Variants in FREM2 observed in about 807,000 individuals in gnomAD.
The protein encoded by FREM2 is FRAS1 related extracellular matrix 2.
A neutral mutation model predicts 219.9 loss-of-function variants in FREM2; 119 were observed. The ratio of observed to expected loss-of-function variants is 0.54; its 90% CI spans 0.47 to 0.63. The LOEUF is 0.63. Ranked by LOEUF, FREM2 falls within the 30% of genes least tolerant of loss-of-function variation. The probability of loss-of-function intolerance (pLI) is 0.00; values close to 1 mark genes in which losing one functional copy is unlikely to be tolerated. For synonymous variants in FREM2, 1,562 were observed against 1,522.8 expected (o/e 1.03, Z -0.60); for missense variants, 4,030 against 3,993.6 (o/e 1.01, Z -0.25).
intron 6 of FREM2, among the ~76,000 whole-genome samples, chr13:38,828,448 C>T (rs1876377684): frequency 6.6e-6 from 1 of 152,084 alleles, no homozygotes; most frequent in African/African-American, 2.4e-5. Context: ...GGGTCTCACC[C>T]TATAATCCCA....
At chr13:38,747,108 T>C (rs796246239) in intron 2 of FREM2, among the ~76,000 whole-genome samples, 6 of 152,226 alleles carry the variant, frequency 3.9e-5, no homozygotes, top group African/African-American at 1.2e-4. Flanking sequence ...AATCCCTACC[T>C]ACCTTGCCCA....
Position 38,846,596 on chromosome 13 carries a change from G to A in FREM2, c.6043G>A (p.Val2015Met), listed in dbSNP as rs1490669165. The A allele has an allele frequency of 1.9e-6, 3 of 1,613,764 alleles. No homozygotes were observed. Among genetic ancestry groups the A allele is most frequent in the Non-Finnish European group, 2.5e-6 (3 of 1,179,782 alleles). The change falls in exon 7 of 24, where the codon GTG becomes ATG. Residue 2015 changes from valine to methionine, a missense_variant. Around this residue, in one of 2 missense-constraint regions of FREM2, gnomAD observed 3,102 missense variants for 2,950.7 expected, o/e 1.05. Coordinates refer to ENST00000280481, the MANE Select transcript of FREM2 (RefSeq NM_207361.6). Reference protein sequence around the residue: ...DDEPIFYFGDVEYSVDESAGY... With the variant: ...DDEPIFYFGDMEYSVDESAGY... ...AGAACCCATCTTTTACTTCGGTGAT[G>A]TGGAATACTCTGTGGATGAGAGTGC... is the stretch of plus-strand genomic sequence containing the variant.
intron 6 of FREM2, among the ~76,000 whole-genome samples, chr13:38,787,711 GTTAT>G (rs1003817677): frequency 6.7e-6 from 1 of 149,984 alleles, no homozygotes; most frequent in African/African-American, 2.4e-5. Flanking sequence ...ATTTATTAAT[GTTAT>G]TTATTAAGTT....
rs1321598084 is a variant in FREM2, at chr13:38,872,950, T to G, written c.8176+16T>G. The G allele has an allele frequency of 3.1e-6, 5 of 1,611,520 alleles. No individual in the cohort carries two copies. Among genetic ancestry groups the G allele is most frequent in the Non-Finnish European group, 4.2e-6 (5 of 1,178,212 alleles). Reference sequence around the variant, plus strand: ...GAACTTCAAGGTGAGTTCAGAAGACTTGGAAAATTCTATAGTTTTGTAACC... The same window carrying G: ...GAACTTCAAGGTGAGTTCAGAAGACGTGGAAAATTCTATAGTTTTGTAACC... On this transcript the variant is annotated intron_variant, in intron 17 of 23. Coordinates refer to ENST00000280481, the MANE Select transcript of FREM2 (RefSeq NM_207361.6).
At chr13:38,846,804 C>T (rs1877175555) in intron 7 of FREM2, 82 bp downstream of exon 7, 5 of 1,461,306 alleles carry the variant, frequency 3.4e-6, no homozygotes, top group East Asian at 2.3e-5. Flanking sequence ...AGCTGAAATA[C>T]TTCACTTCTA....
rs1305709293 is a variant in FREM2 at position 38,878,160 on chromosome 13, G to A, written c.8698G>A (p.Val2900Met). Residue 2900 changes from valine to methionine, a missense_variant, in exon 22 of 24, where the codon GTG becomes ATG. By Grantham distance (21) the Val-to-Met change is conservative. Transcript: ENST00000280481. ...EGDIIYGRVM[V>M]DPVQNLGDSF... is the part of the protein sequence containing the mutation. Reference sequence around the variant, plus strand: ...TGATATAATTTATGGTCGTGTCATGGTGGATCCTGTCCAGAATCTGGGTGA... The same window carrying A: ...TGATATAATTTATGGTCGTGTCATGATGGATCCTGTCCAGAATCTGGGTGA... 2.5e-6 allele frequency: 4 copies of A among 1,613,734 alleles called. No homozygotes were observed. Among genetic ancestry groups the A allele is most frequent in the Non-Finnish European group, 3.4e-6 (4 of 1,179,752 alleles).
At chr13:38,810,382 T>A (rs146258140) in intron 6 of FREM2, among the ~76,000 whole-genome samples, 453 of 152,258 alleles carry the variant, frequency 3.0e-3, no homozygotes, top group African/African-American at 0.01. Flanking sequence ...AAAGTGGACA[T>A]CCTTTTCATG....
At chr13:38,876,628 GATCTT>G (rs1283458294) in intron 20 of FREM2, among the ~76,000 whole-genome samples, 1 of 152,064 alleles carries the variant, frequency 6.6e-6, no homozygotes, top group African/African-American at 2.4e-5. Flanking sequence ...TTTCTTATCT[GATCTT>G]ATCTTGTGTC....
At chr13:38,852,335 T>A (rs923542333) in intron 11 of FREM2, among the ~76,000 whole-genome samples, 7 of 152,146 alleles carry the variant, frequency 4.6e-5, no homozygotes, top group African/African-American at 1.7e-4. Flanking sequence ...ATTTCCAAGA[T>A]TTTTTTCTTT....
intron 2 of FREM2, among the ~76,000 whole-genome samples, chr13:38,711,201 G>A (rs1401089312): frequency 6.6e-6 from 1 of 152,080 alleles, no homozygotes; most frequent in Non-Finnish European, 1.5e-5. Context: ...ATAAAACTGA[G>A]ACAACCACCA....
chr13:38,864,581 G>A lies in FREM2; in HGVS notation c.7958G>A (p.Gly2653Asp), dbSNP rs1877889506. The A allele has an allele frequency of 6.2e-7, 1 of 1,614,030 alleles. No individual in the cohort carries two copies. The highest frequency in any genetic ancestry group is 1.7e-5 in the Admixed American group (1 of 60,010). ...ATGTCAGAACTCCTTGCTGACTGTG[G>A]TGGCACCATTGGAACAGATGGACAG... ...YDMSELLADCGGTIGTDGQVL... is the reference protein window; with the variant it reads ...YDMSELLADCDGTIGTDGQVL... Residue 2653 changes from glycine (G) to aspartate (D), a missense_variant, in exon 16 of 24, where the codon GGT (glycine) becomes GAT (aspartate). Around this residue, in one of 2 missense-constraint regions of FREM2, gnomAD observed 928 missense variants for 1,042.9 expected, o/e 0.89. Transcript: ENST00000280481.
At chr13:38,760,377 G>A (rs117215357) in intron 2 of FREM2, among the ~76,000 whole-genome samples, 14 of 152,242 alleles carry the variant, frequency 9.2e-5, no homozygotes, top group Non-Finnish European at 1.3e-4. Flanking sequence ...TGGCAACTTC[G>A]TCCTTTCAGA....
At chr13:38,803,369 G>A (rs1875096001) in intron 6 of FREM2, among the ~76,000 whole-genome samples, 1 of 152,118 alleles carries the variant, frequency 6.6e-6, no homozygotes, top group South Asian at 2.1e-4. Context: ...GGCGCTAGAA[G>A]TACAGGAACA....
chr13:38,838,954 C>T (rs1322697369), intron 6 of FREM2, among the ~76,000 whole-genome samples: 1 of 152,130 alleles, frequency 6.6e-6, no homozygotes, highest in Non-Finnish European at 1.5e-5. Flanking sequence ...CTGAGGCCTA[C>T]TTCTTCAATT....
In FREM2 at chr13:38,878,979, TAGG is replaced by T. The variant is rs1470166403; in HGVS notation, c.9006+3_9006+5del. On this transcript the variant is annotated splice_donor_5th_base_variant and intron_variant, in intron 23 of 23. Transcript: ENST00000280481. The stretch of plus-strand genomic sequence containing the variant: ...GTCGACTCAACACCACTCTTTCAGG[TAGG>T]CCAAAAACAAGCTCATTTGTAGTAG... The T allele has an allele frequency of 6.2e-7, 1 of 1,614,126 alleles. No homozygotes were observed. The highest frequency in any genetic ancestry group is 1.1e-5 in the South Asian group (1 of 91,086).
chr13:38,858,155 G>A (rs898516600), intron 13 of FREM2, 122 bp downstream of exon 13: 7 of 889,000 alleles, frequency 7.9e-6, no homozygotes, highest in Non-Finnish European at 1.3e-5. Flanking sequence ...CATGGTTTAA[G>A]CCTTGAGCTT....
chr13:38,808,038 A>G (rs1403399428), intron 6 of FREM2, among the ~76,000 whole-genome samples: 2 of 152,078 alleles, frequency 1.3e-5, no homozygotes, highest in African/African-American at 4.8e-5. Flanking sequence ...CCTTCATTTT[A>G]GTGAGATCTT....
chr13:38,689,965 A>G lies in FREM2; in HGVS notation c.2621A>G (p.His874Arg), dbSNP rs768528556. The G allele has an allele frequency of 1.2e-6, 2 of 1,614,106 alleles. No individual in the cohort carries two copies. The highest frequency in any genetic ancestry group is 4.5e-5 in the East Asian group (2 of 44,860). ...ISFTLTQAPK[H>R]GHMRVSGQIL... Reference sequence around the variant, plus strand: ...TTCACTCTCACTCAGGCACCCAAACATGGCCACATGAGAGTGTCTGGACAG... The same window carrying G: ...TTCACTCTCACTCAGGCACCCAAACGTGGCCACATGAGAGTGTCTGGACAG... The change falls in exon 1 of 24, where the codon CAT (histidine) becomes CGT (arginine). Residue 874 changes from histidine (H) to arginine (R), a missense_variant. Transcript: ENST00000280481.
At chr13:38,776,732 T>A (rs1198711373) in intron 4 of FREM2, among the ~76,000 whole-genome samples, 1 of 152,004 alleles carries the variant, frequency 6.6e-6, no homozygotes, top group Non-Finnish European at 1.5e-5. Flanking sequence ...AAGGGATATA[T>A]GGGAACCATA....
Sources: gnomAD v4.1 joint callset for allele counts (sites outside exome capture counted in the v4.1 genomes callset) on GRCh38, gnomAD v4.1.1 for gene constraint, gnomAD v4.1.1 regional missense constraint, MANE v1.5 for transcripts, NCBI Gene and HGNC (gene_info 2026-07-23, HGNC 2026-07-21) for gene names.